The following PGBD5 variants were observed in gnomAD, a reference collection of about 807,000 sequenced individuals.
PGBD5 encodes the protein piggyBac transposable element derived 5, also known as piggyBac transposable element-derived protein 5.
In PGBD5, 14 loss-of-function variants were observed where a neutral mutation model predicts 47.9. The observed-to-expected ratio is 0.29, with a 90% CI of 0.19 to 0.46. PGBD5 has a LOEUF of 0.46. Ranked by LOEUF, PGBD5 falls within the 20% of genes least tolerant of loss-of-function variation. The pLI is 1.00. For synonymous variants in PGBD5, 316 were observed against 306.3 expected, an observed-to-expected ratio of 1.03 and a Z score of -0.33; for missense variants, 635 against 716.0, an observed-to-expected ratio of 0.89 and a Z score of 1.29.
chr1:230,356,873 T>C (rs1161000427), intron 2 of PGBD5, 21 bp downstream of exon 2: 2 of 1,605,436 alleles, frequency 1.2e-6, no homozygotes, highest in East Asian at 2.2e-5. Flanking sequence ...GACAAGCTCT[T>C]ACGTCCTGCG....
intron 1 of PGBD5, among the ~76,000 whole-genome samples, chr1:230,412,683 C>T (rs978223486): frequency 1.2e-4 from 18 of 152,162 alleles, no homozygotes; most frequent in Middle Eastern, 6.8e-3. Flanking sequence ...CCACCGCGCC[C>T]GGCCCATCCT....
At chr1:230,389,313 C>T (rs977090196) in intron 1 of PGBD5, among the ~76,000 whole-genome samples, 1 of 152,152 alleles carries the variant, frequency 6.6e-6, no homozygotes, top group East Asian at 1.9e-4. Context: ...GCTGGGATTA[C>T]AGGCGCGTGC....
Position 230,316,077 on chromosome 1 carries a change from T to TA in PGBD5, c.*7347_*7348insT. The TA allele has an allele frequency of 7.4e-6, 1 of 135,968 alleles. No individual in the cohort carries two copies. The highest frequency in any genetic ancestry group is 2.6e-5 in the African/African-American group (1 of 37,794). The allele number at this position is 135,968 out of a possible 1,614,324, so 8.4% of individuals were successfully genotyped here. A position where few individuals can be genotyped will look rare whatever the true frequency, so the allele number is the denominator to read the frequency against. ...ATATATGTATGTGTATACATACATG[T>TA]TTATGTGTATACATACATATGTTTA... On this transcript the variant is annotated 3_prime_UTR_variant, in exon 7 of 7. Coordinates refer to ENST00000391860, the MANE Select transcript of PGBD5 (RefSeq NM_001258311.2).
intron 1 of PGBD5, among the ~76,000 whole-genome samples, chr1:230,415,367 C>T (rs1309271714): frequency 6.6e-6 from 1 of 152,144 alleles, no homozygotes; most frequent in Non-Finnish European, 1.5e-5. Flanking sequence ...GAAAAATCTC[C>T]CTGTATCCTG....
At chr1:230,362,698 G>T (rs1667767291) in intron 1 of PGBD5, among the ~76,000 whole-genome samples, 1 of 152,160 alleles carries the variant, frequency 6.6e-6, no homozygotes, top group African/African-American at 2.4e-5. Flanking sequence ...GGGTTGGTGT[G>T]TTCTGTGTCC....
intron 6 of PGBD5, among the ~76,000 whole-genome samples, chr1:230,324,242 C>T (rs1184591565): frequency 1.3e-5 from 2 of 152,204 alleles, no homozygotes; most frequent in African/African-American, 4.8e-5. Context: ...ATGGGAGGAT[C>T]GGTATCCTCA....
chr1:230,399,616 A>G (rs1657084976), intron 1 of PGBD5, among the ~76,000 whole-genome samples: 1 of 152,170 alleles, frequency 6.6e-6, no homozygotes, highest in Non-Finnish European at 1.5e-5. Flanking sequence ...CCTCTCTCAG[A>G]CATCTGCTAC....
intron 2 of PGBD5, among the ~76,000 whole-genome samples, chr1:230,353,947 A>G (rs983925765): frequency 6.6e-6 from 1 of 152,208 alleles, no homozygotes; most frequent in Non-Finnish European, 1.5e-5. Flanking sequence ...AAGAGCATAA[A>G]TGCAGGAGCC....
At chr1:230,382,617 G>A (rs1656530008) in intron 1 of PGBD5, among the ~76,000 whole-genome samples, 1 of 152,176 alleles carries the variant, frequency 6.6e-6, no homozygotes, top group Non-Finnish European at 1.5e-5. Context: ...CTGAAACCAG[G>A]GCAATCCTAG....
At chr1:230,364,777 T>C (rs1228242892) in intron 1 of PGBD5, among the ~76,000 whole-genome samples, 2 of 152,216 alleles carry the variant, frequency 1.3e-5, no homozygotes, top group African/African-American at 2.4e-5. Context: ...TCCCAGCACG[T>C]TGGGAGGCCA....
intron 1 of PGBD5, among the ~76,000 whole-genome samples, chr1:230,412,296 T>C (rs1051537112): frequency 1.3e-5 from 2 of 151,992 alleles, no homozygotes; most frequent in African/African-American, 4.8e-5. Context: ...ACTCAACTAC[T>C]AATAGCCTAC....
intron 1 of PGBD5, chr1:230,362,168 G>C: frequency 8.1e-7 from 1 of 1,239,770 alleles, no homozygotes; most frequent in African/African-American, 1.6e-5. Context: ...TGCAACTTCA[G>C]CAGGCTCACT....
chr1:230,425,620 G>A lies in PGBD5; in HGVS notation c.309C>T (p.Pro103=), dbSNP rs1571869694. ...TACCGCCGGTATCCTCGAAGCGCGG[G>A]GGCGGGCGGTCCCGCAGCGCTGCGC... is the stretch of plus-strand genomic sequence containing the variant. ...GWSAALRDRP[P]PRFEDTGGPT... is the part of the protein sequence containing the mutation. Residue 103 remains proline (P), a synonymous_variant, in exon 1 of 7, where the codon CCC becomes CCT. Coordinates refer to ENST00000391860, the MANE Select transcript of PGBD5 (RefSeq NM_001258311.2). This position sits in a 1 kb window ranked among gnomAD's most constrained non-coding sequence, Gnocchi z 4.7. 1 of 1,219,754 alleles carries A rather than the reference G, an allele frequency of 8.2e-7. No homozygotes were observed. The highest frequency in any genetic ancestry group is 1.0e-6 in the Non-Finnish European group (1 of 980,378). The allele number at this position is 1,219,754 out of a possible 1,614,324, so 75.6% of individuals were successfully genotyped here. A position where few individuals can be genotyped will look rare whatever the true frequency, so the allele number is the denominator to read the frequency against.
chr1:230,343,205 G>A (rs1193857878), intron 3 of PGBD5, among the ~76,000 whole-genome samples: 4 of 152,212 alleles, frequency 2.6e-5, no homozygotes, highest in African/African-American at 7.2e-5. Context: ...CAGCACCGCT[G>A]ACCCCTGTGG....
Position 230,320,632 on chromosome 1 carries a change from A to G in PGBD5, c.*2793T>C, listed in dbSNP as rs1031138321. The G allele has an allele frequency of 1.3e-5, 2 of 152,088 alleles. No individual in the cohort carries two copies. The highest frequency in any genetic ancestry group is 2.4e-5 in the African/African-American group (1 of 41,372). 9.4% of individuals were successfully genotyped at this position (152,088 alleles called of 1,614,324 possible). Reference sequence around the variant, plus strand: ...TCCCTCTGTCATAAGACCACTTACGATGCTCTTTCCTCATCCCCAGGGATG... The same window carrying G: ...TCCCTCTGTCATAAGACCACTTACGGTGCTCTTTCCTCATCCCCAGGGATG... On this transcript the variant is annotated 3_prime_UTR_variant, in exon 7 of 7. Transcript: ENST00000391860.
intron 4 of PGBD5, among the ~76,000 whole-genome samples, chr1:230,335,888 TGCATACACGGACATACAG>T (rs1269688094): frequency 9.1e-5 from 3 of 33,096 alleles, no homozygotes; most frequent in East Asian, 2.8e-3. Context: ...GACACACAGA[TGCATACACGGACATACAG>T]ACACAAAGAC....
intron 6 of PGBD5, among the ~76,000 whole-genome samples, chr1:230,324,954 C>T (rs1667091313): frequency 6.6e-6 from 1 of 152,162 alleles, no homozygotes; most frequent in African/African-American, 2.4e-5. Context: ...GGAAGGAGGA[C>T]AGCAATTCAG....
Position 230,323,305 on chromosome 1 carries a change from ATCCCTCCCAGGC to A in PGBD5, c.*108_*119del. On this transcript the variant is annotated 3_prime_UTR_variant, in exon 7 of 7. Coordinates refer to ENST00000391860, the MANE Select transcript of PGBD5 (RefSeq NM_001258311.2). This position sits in a 1 kb window ranked among gnomAD's most constrained non-coding sequence, Gnocchi z 4.1. ...TCCTGTCCCTCCAGAGGCCCTGTGC[ATCCCTCCCAGGC>A]AGCAAGCCACACACCAGGCCGTGTC... 7 of 1,176,444 alleles carry A rather than the reference ATCCCTCCCAGGC, an allele frequency of 6.0e-6. No individual in the cohort carries two copies. The South Asian group carries it at 9.2e-5, about 15-fold the overall frequency. 72.9% of individuals were successfully genotyped at this position (1,176,444 alleles called of 1,614,324 possible).
chr1:230,422,705 A>G (rs1657677059), intron 1 of PGBD5, among the ~76,000 whole-genome samples: 1 of 152,200 alleles, frequency 6.6e-6, no homozygotes, highest in African/African-American at 2.4e-5. Context: ...GCACTTCCGG[A>G]GGAGCTGATC....
Sources: allele counts gnomAD v4.1 joint callset (sites outside exome capture counted in the v4.1 genomes callset), GRCh38; gene constraint gnomAD v4.1.1; non-coding constraint Gnocchi (gnomAD v3.1); transcripts MANE v1.5; gene names NCBI Gene and HGNC (gene_info 2026-07-23, HGNC 2026-07-21).